The following PTPRD variants were observed in gnomAD, a reference collection of about 807,000 sequenced individuals.
PTPRD encodes protein tyrosine phosphatase receptor type D.
Under a neutral mutation model 214.5 loss-of-function variants are expected in PTPRD, and 34 were observed. That is an observed-to-expected ratio of 0.16 (90% CI 0.12 to 0.21). PTPRD has a LOEUF of 0.21. Ranked by LOEUF, PTPRD falls within the 10% of genes least tolerant of loss-of-function variation. The probability of loss-of-function intolerance (pLI) is 1.00; values close to 1 mark genes in which losing one functional copy is unlikely to be tolerated. For synonymous variants in PTPRD, 1,128 were observed against 845.7 expected, an observed-to-expected ratio of 1.33 and a Z score of -5.79; for missense variants, 2,545 against 2,398.7, an observed-to-expected ratio of 1.06 and a Z score of -1.27.
intron 2 of PTPRD, among the ~76,000 whole-genome samples, chr9:10,481,661 TA>T (rs1301179407): frequency 6.6e-6 from 1 of 152,224 alleles, no homozygotes; most frequent in Non-Finnish European, 1.5e-5. Flanking sequence ...GAACTTATTG[TA>T]AATACTCAGC....
intron 8 of PTPRD, among the ~76,000 whole-genome samples, chr9:9,443,925 T>C (rs931390178): frequency 2.7e-4 from 41 of 152,238 alleles, no homozygotes; most frequent in African/African-American, 9.2e-4. Context: ...TATTCATTCA[T>C]GTTTTTGAAT....
intron 31 of PTPRD, among the ~76,000 whole-genome samples, chr9:8,468,031 A>G (rs1466635492): frequency 6.6e-6 from 1 of 152,012 alleles, no homozygotes; most frequent in African/African-American, 2.4e-5. Context: ...CTGCAGATGT[A>G]GTTAATAGTC....
intron 32 of PTPRD, among the ~76,000 whole-genome samples, chr9:8,464,748 C>A (rs2096508009): frequency 6.6e-6 from 1 of 150,644 alleles, no homozygotes; most frequent in South Asian, 2.1e-4. Context: ...GTAACTGAAG[C>A]ATAAAATGAC....
At chr9:8,878,374 C>G (rs1051415685) in intron 11 of PTPRD, among the ~76,000 whole-genome samples, 14 of 152,002 alleles carry the variant, frequency 9.2e-5, no homozygotes, top group Non-Finnish European at 1.9e-4. Context: ...GAGACAGAAC[C>G]AGTAAGTGGG....
chr9:9,468,191 G>GT (rs910890888), intron 8 of PTPRD, among the ~76,000 whole-genome samples: 1 of 151,186 alleles, frequency 6.6e-6, no homozygotes, highest in South Asian at 2.1e-4. Flanking sequence ...TATTGATTCA[G>GT]TTTTTTTATC....
chr9:9,555,507 T>C (rs1008592592), intron 8 of PTPRD, among the ~76,000 whole-genome samples: 1 of 152,074 alleles, frequency 6.6e-6, no homozygotes, highest in Non-Finnish European at 1.5e-5. Context: ...CATAAACATA[T>C]ACACATGCAC....
intron 2 of PTPRD, among the ~76,000 whole-genome samples, chr9:10,428,725 T>C (rs368207609): frequency 6.6e-6 from 1 of 152,118 alleles, no homozygotes; most frequent in East Asian, 1.9e-4. Flanking sequence ...ATCTATGGAA[T>C]ATTCTATTTG....
At chr9:10,522,003 A>G (rs1566713954) in intron 2 of PTPRD, among the ~76,000 whole-genome samples, 1 of 152,030 alleles carries the variant, frequency 6.6e-6, no homozygotes. Flanking sequence ...TAAGTACACA[A>G]ACTGTTAGGG....
intron 7 of PTPRD, among the ~76,000 whole-genome samples, chr9:9,599,648 A>AT (rs141031355): frequency 0.14 from 21,547 of 151,670 alleles, 1,774 homozygotes; most frequent in Middle Eastern, 0.22. Context: ...CTACTATACC[A>AT]TTTTTTCTCT....
At chr9:8,867,344 C>T (rs1255637798) in intron 11 of PTPRD, among the ~76,000 whole-genome samples, 2 of 152,180 alleles carry the variant, frequency 1.3e-5, no homozygotes, top group African/African-American at 2.4e-5. Flanking sequence ...AGATGTTCTG[C>T]TCTGCCCTCC....
At chr9:9,251,079 A>T (rs1005047868) in intron 9 of PTPRD, among the ~76,000 whole-genome samples, 1 of 151,986 alleles carries the variant, frequency 6.6e-6, no homozygotes, top group Non-Finnish European at 1.5e-5. Flanking sequence ...ACCACTTTTA[A>T]TAGGAAAATA....
Position 8,499,860 on chromosome 9 carries a change from T to A in PTPRD, c.2129-20A>T. The A allele has an allele frequency of 6.3e-7, 1 of 1,584,710 alleles. No homozygotes were observed. The highest frequency in any genetic ancestry group is 1.8e-5 in the Admixed American group (1 of 54,254). On this transcript the variant is annotated intron_variant, in intron 24 of 45. Transcript: ENST00000381196. ...TAGGAACTGGAACAACATCATTGGA[T>A]AAAAGAAATTATAGGCACTTGTCCC...
intron 34 of PTPRD, among the ~76,000 whole-genome samples, chr9:8,443,331 G>T (rs1421187992): frequency 6.6e-6 from 1 of 152,140 alleles, no homozygotes; most frequent in African/African-American, 2.4e-5. Context: ...ATGAATGTAT[G>T]AAGAAAGTAT....
chr9:9,541,120 G>A (rs910813922), intron 8 of PTPRD, among the ~76,000 whole-genome samples: 2 of 151,702 alleles, frequency 1.3e-5, no homozygotes, highest in Non-Finnish European at 2.9e-5. Context: ...AAGAAATAAC[G>A]AAAAAATTAC....
intron 8 of PTPRD, among the ~76,000 whole-genome samples, chr9:9,459,226 A>C (rs2093400371): frequency 6.6e-6 from 1 of 152,054 alleles, no homozygotes; most frequent in South Asian, 2.1e-4. Flanking sequence ...AGCTATCAAC[A>C]ACCAAGGAAC....
At chr9:9,851,948 A>G (rs2060623925) in intron 5 of PTPRD, among the ~76,000 whole-genome samples, 1 of 152,208 alleles carries the variant, frequency 6.6e-6, no homozygotes. Flanking sequence ...TTCACTGAAA[A>G]TGTTAACAGA....
chr9:9,951,531 C>A (rs2153998778), intron 4 of PTPRD, among the ~76,000 whole-genome samples: 1 of 152,300 alleles, frequency 6.6e-6, no homozygotes, highest in African/African-American at 2.4e-5. Context: ...CTTCTGAATC[C>A]TCCTGGCTGT....
At chr9:9,194,346 T>TA (rs1449853073) in intron 9 of PTPRD, among the ~76,000 whole-genome samples, 7 of 152,218 alleles carry the variant, frequency 4.6e-5, no homozygotes, top group African/African-American at 7.2e-5. Context: ...GCATAGTTAA[T>TA]ACATAAACTA....
rs143650558 is a variant in PTPRD, at chr9:9,614,251, G to A, written c.-286-39470C>T. ...TCAATGCTGACCTGATTACCAGTGT[G>A]ATACATTCAAATACCATGTCACTTT... is the stretch of plus-strand genomic sequence containing the variant. On this transcript the variant is annotated intron_variant, in intron 7 of 45. Transcript: ENST00000381196. Among the ~76,000 whole-genome samples the A allele has an allele frequency of 2.2e-3, 333 of 152,154 alleles. 1 individual carries two copies. The highest frequency in any genetic ancestry group is 7.4e-3 in the African/African-American group (306 of 41,524).
Sources: allele counts gnomAD v4.1 joint callset (sites outside exome capture counted in the v4.1 genomes callset), GRCh38; gene constraint gnomAD v4.1.1; transcripts MANE v1.5; gene names NCBI Gene and HGNC (gene_info 2026-07-23, HGNC 2026-07-21).